The following PXDN variants were observed in gnomAD, a reference collection of about 807,000 sequenced individuals.
The protein encoded by PXDN is peroxidasin homolog.
Under a neutral mutation model 140.3 loss-of-function variants are expected in PXDN, and 77 were observed. The ratio of observed to expected loss-of-function variants is 0.55; its 90% confidence interval spans 0.46 to 0.66. PXDN has a LOEUF of 0.66. Ranked by LOEUF, PXDN falls within the 30% of genes least tolerant of loss-of-function variation. The pLI is 0.00. For missense variants in PXDN, 1,838 were observed against 2,039.5 expected, an observed-to-expected ratio of 0.90 and a Z score of 1.90; for synonymous variants, 911 against 857.4, an observed-to-expected ratio of 1.06 and a Z score of -1.09.
At position 1,733,156 on chromosome 2, in the gene PXDN, A is replaced by G. The variant is rs192923227; in HGVS notation, c.200+11100T>C. 4.3e-4 allele frequency among the ~76,000 whole-genome samples: 66 copies of G among 152,332 alleles called. No homozygotes were observed. The East Asian group carries it at 0.012, about 27-fold the overall frequency. On this transcript the variant is annotated intron_variant, in intron 1 of 22. Transcript: ENST00000252804. ...AAGAGGAGACAAAGATGGGGACAGA[A>G]AACATATCTGAAGATGAAACACCCC...
At chr2:1,724,871 A>T (rs1685139397) in intron 1 of PXDN, among the ~76,000 whole-genome samples, 1 of 152,218 alleles carries the variant, frequency 6.6e-6, no homozygotes, top group Non-Finnish European at 1.5e-5. Flanking sequence ...CAAATTTTAT[A>T]GGATTGCTTT....
rs773710180 is a variant in PXDN, at chr2:1,643,424, C to T, written c.3896G>A (p.Gly1299Asp). Residue 1299 changes from glycine to aspartate, a missense_variant, in exon 19 of 23, where the codon GGC becomes GAC. Coordinates refer to ENST00000252804, the MANE Select transcript of PXDN (RefSeq NM_012293.3). Reference protein sequence around the residue: ...FRVAEFPHGYGSCDEIPRVDL... With the variant: ...FRVAEFPHGYDSCDEIPRVDL... ...TACCCTGGGGATCTCGTCACAGCTG[C>T]CGTAGCCGTGAGGGAACTCCGCCAC... 4 of 1,613,836 alleles carry T rather than the reference C, an allele frequency of 2.5e-6. No homozygotes were observed. The highest frequency in any genetic ancestry group is 2.5e-6 in the Non-Finnish European group (3 of 1,179,902).
At chr2:1,721,185 AT>A (rs1331752427) in intron 1 of PXDN, among the ~76,000 whole-genome samples, 1 of 152,216 alleles carries the variant, frequency 6.6e-6, no homozygotes, top group Non-Finnish European at 1.5e-5. Context: ...TCGACATAAA[AT>A]TCAGCATCAC....
intron 3 of PXDN, among the ~76,000 whole-genome samples, chr2:1,689,927 C>T (rs1242234220): frequency 1.3e-5 from 2 of 152,132 alleles, no homozygotes; most frequent in Admixed American, 6.5e-5. Flanking sequence ...AAGGCTTATG[C>T]CTTACTAGAA....
Position 1,639,345 on chromosome 2 carries a change from CCTGGTAG to C in PXDN, c.4023_4029del (p.Ser1341ArgfsTer61). 1 of 1,613,988 alleles carries C rather than the reference CCTGGTAG, an allele frequency of 6.2e-7. No individual in the cohort carries two copies. The highest frequency in any genetic ancestry group is 8.5e-7 in the Non-Finnish European group (1 of 1,179,876). On this transcript the variant is annotated frameshift_variant, in exon 20 of 23. Transcript: ENST00000252804. LOFTEE classifies it high-confidence loss of function. This position sits in a 1 kb window ranked among gnomAD's most constrained non-coding sequence, Gnocchi z 5.0. ...CTTGTTTTCTTGGTCGGCTTGTCCTCCTGGTAGCTGAACTCAAGAGACCGTCTGCCTC... is the reference window on the plus strand; with the variant it reads ...CTTGTTTTCTTGGTCGGCTTGTCCTCCTGAACTCAAGAGACCGTCTGCCTC...
chr2:1,710,944 C>T (rs563725778), intron 1 of PXDN, among the ~76,000 whole-genome samples: 2 of 125,710 alleles, frequency 1.6e-5, no homozygotes, highest in South Asian at 5.9e-4. Context: ...ACTCTATGAA[C>T]ACCCGCTCCA....
chr2:1,680,159 T>G, intron 7 of PXDN, 34 bp downstream of exon 7: 1 of 1,523,960 alleles, frequency 6.6e-7, no homozygotes, highest in East Asian at 2.5e-5. Context: ...ATGGTGTGAG[T>G]GTGTGGATGG....
At chr2:1,688,826 C>A (rs1253213446) in intron 3 of PXDN, among the ~76,000 whole-genome samples, 2,356 of 152,098 alleles carry the variant, frequency 0.015, 38 homozygotes, top group Admixed American at 0.039. Context: ...CATTTTTTGT[C>A]TTAATGCTTA....
intron 1 of PXDN, among the ~76,000 whole-genome samples, chr2:1,735,885 T>A (rs1685416157): frequency 6.6e-6 from 1 of 152,204 alleles, no homozygotes; most frequent in Non-Finnish European, 1.5e-5. Context: ...TTTGTCCACA[T>A]TAAAAATCTG....
At chr2:1,733,690 C>A (rs953310628) in intron 1 of PXDN, among the ~76,000 whole-genome samples, 1 of 133,530 alleles carries the variant, frequency 7.5e-6, no homozygotes, top group African/African-American at 2.8e-5. Context: ...TGCAGTGAGC[C>A]GAGATGGTGC....
intron 17 of PXDN, among the ~76,000 whole-genome samples, chr2:1,647,283 A>G (rs1217981853): frequency 6.6e-6 from 1 of 152,188 alleles, no homozygotes; most frequent in African/African-American, 2.4e-5. Flanking sequence ...AGATGTGAAT[A>G]TCTAGCAAAA....
intron 13 of PXDN, among the ~76,000 whole-genome samples, chr2:1,661,630 A>C (rs13006063): frequency 0.35 from 53,474 of 152,104 alleles, 10,905 homozygotes; most frequent in East Asian, 0.53. Context: ...GGGAATTCAC[A>C]GAAACACGGG....
chr2:1,705,125 G>A (rs908146894), intron 1 of PXDN, among the ~76,000 whole-genome samples: 3 of 33,426 alleles, frequency 9.0e-5, no homozygotes, highest in African/African-American at 2.5e-4. Context: ...GAGAGCAGAG[G>A]GCACGTCTGC....
At chr2:1,707,514 A>T (rs1684645800) in intron 1 of PXDN, among the ~76,000 whole-genome samples, 1 of 152,246 alleles carries the variant, frequency 6.6e-6, no homozygotes, top group Non-Finnish European at 1.5e-5. Context: ...AGAAATTATG[A>T]TTTAATTGTG....
chr2:1,691,133 G>A (rs1684175021), intron 3 of PXDN, among the ~76,000 whole-genome samples: 1 of 152,138 alleles, frequency 6.6e-6, no homozygotes, highest in Non-Finnish European at 1.5e-5. Context: ...ACTTAAACAT[G>A]TTTAGGTTCA....
chr2:1,673,609 G>A (rs191173703), intron 9 of PXDN, 34 bp downstream of exon 9: 2 of 1,590,136 alleles, frequency 1.3e-6, no homozygotes, highest in Non-Finnish European at 1.7e-6. Flanking sequence ...GACAATTCTG[G>A]ATGGAACCCC....
rs1351247917 is a variant in PXDN, at chr2:1,687,512, G to A, written c.416+120C>T. ...TTCCGTCATCATGCACGTACTCCCC[G>A]CACCTCAGGTAGCATAGTCATGCAT... On this transcript the variant is annotated intron_variant, in intron 4 of 22. Transcript: ENST00000252804. The surrounding 1 kb of genome is among the most constrained non-coding windows in gnomAD (Gnocchi z 4.0). 2.0e-5 allele frequency: 13 copies of A among 663,022 alleles called. No homozygotes were observed. The highest frequency in any genetic ancestry group is 3.3e-5 in the Admixed American group (1 of 30,304). 41.1% of individuals were successfully genotyped at this position (663,022 alleles called of 1,614,324 possible).
chr2:1,666,112 G>T, intron 10 of PXDN, 102 bp downstream of exon 10: 1 of 1,454,442 alleles, frequency 6.9e-7, no homozygotes, highest in East Asian at 2.4e-5. Flanking sequence ...AGTGGACAGG[G>T]CAGAAGATTC....
intron 8 of PXDN, 101 bp from the exon 9 acceptor site, chr2:1,673,913 T>G: frequency 7.6e-7 from 1 of 1,320,924 alleles, no homozygotes; most frequent in Non-Finnish European, 1.1e-6. Flanking sequence ...CAGGCACAAC[T>G]TGTGCGAGGA....
Sources: gnomAD v4.1 joint callset for allele counts (sites outside exome capture counted in the v4.1 genomes callset) on GRCh38, gnomAD v4.1.1 for gene constraint, Gnocchi (gnomAD v3.1) non-coding constraint, MANE v1.5 for transcripts, NCBI Gene and HGNC (gene_info 2026-07-23, HGNC 2026-07-21) for gene names.